The following PTPN4 variants were observed in gnomAD, a reference collection of about 807,000 sequenced individuals.
PTPN4 encodes protein tyrosine phosphatase non-receptor type 4.
A neutral mutation model predicts 135.5 loss-of-function variants in PTPN4; 49 were observed. The ratio of observed to expected loss-of-function variants is 0.36; its 90% CI spans 0.29 to 0.46. PTPN4 has a LOEUF of 0.46. Among genes scored for constraint, PTPN4 ranks in the 20% least tolerant of loss-of-function variants. The pLI is 1.00. For missense variants in PTPN4, 860 were observed against 1,101.0 expected, an observed-to-expected ratio of 0.78 and a Z score of 3.10; for synonymous variants, 333 against 369.9, an observed-to-expected ratio of 0.90 and a Z score of 1.14.
At chr2:119,778,701 T>C (rs901030310) in intron 1 of PTPN4, among the ~76,000 whole-genome samples, 4 of 152,172 alleles carry the variant, frequency 2.6e-5, no homozygotes, top group African/African-American at 4.8e-5. Flanking sequence ...ATGCAAGAAA[T>C]GGCACAAATT....
intron 3 of PTPN4, among the ~76,000 whole-genome samples, chr2:119,866,469 A>AT (rs1677837075): frequency 6.6e-6 from 1 of 152,074 alleles, no homozygotes; most frequent in African/African-American, 2.4e-5. Flanking sequence ...TAAAATACAG[A>AT]TTTCTGGGAC....
chr2:119,895,827 G>T (rs1558757595), intron 9 of PTPN4, among the ~76,000 whole-genome samples: 1 of 151,166 alleles, frequency 6.6e-6, no homozygotes, highest in Non-Finnish European at 1.5e-5. Flanking sequence ...TGAGGAAGGA[G>T]AACGGCGTGA....
At chr2:119,892,199 G>GAA (rs1678250465) in intron 9 of PTPN4, among the ~76,000 whole-genome samples, 5 of 152,182 alleles carry the variant, frequency 3.3e-5, no homozygotes, top group Admixed American at 3.3e-4. Context: ...TATATTGATA[G>GAA]AAGTCAGAAT....
chr2:119,809,515 G>T (rs1323112112), intron 1 of PTPN4, among the ~76,000 whole-genome samples: 1 of 151,660 alleles, frequency 6.6e-6, no homozygotes, highest in Non-Finnish European at 1.5e-5. Context: ...ACTTCCTGAG[G>T]CAGCATAATC....
At chr2:119,798,486 T>C (rs1224401081) in intron 1 of PTPN4, among the ~76,000 whole-genome samples, 1 of 152,206 alleles carries the variant, frequency 6.6e-6, no homozygotes, top group Non-Finnish European at 1.5e-5. Context: ...ACCTTTCAAA[T>C]GGAAAAGTAA....
At position 119,983,934 on chromosome 2, in the gene PTPN4, A is replaced by C. The variant is rs1388314895; in HGVS notation, c.*6864A>C. 1 of 152,188 alleles carries C rather than the reference A, an allele frequency of 6.6e-6. No homozygotes were observed. The allele number at this position is 152,188 out of a possible 1,614,324, so 9.4% of individuals were successfully genotyped here. A position where few individuals can be genotyped will look rare whatever the true frequency, so the allele number is the denominator to read the frequency against. On this transcript the variant is annotated 3_prime_UTR_variant, in exon 27 of 27. Coordinates refer to ENST00000263708, the MANE Select transcript of PTPN4 (RefSeq NM_002830.4). ...TCCATTTGTTTTCAGTGTAGTACCT[A>C]GGGTGAAGTAGATGCTGCACAAGTA...
At chr2:119,857,549 G>T (rs1027927131) in intron 2 of PTPN4, among the ~76,000 whole-genome samples, 6 of 140,260 alleles carry the variant, frequency 4.3e-5, no homozygotes, top group African/African-American at 1.6e-4. Flanking sequence ...AAATAAAAAA[G>T]AAATGTTTCA....
chr2:119,810,762 C>T (rs923341924), intron 2 of PTPN4, among the ~76,000 whole-genome samples: 1 of 152,120 alleles, frequency 6.6e-6, no homozygotes, highest in Non-Finnish European at 1.5e-5. Context: ...CCCTTATACC[C>T]TTTACCTAAA....
chr2:119,787,540 A>G (rs1691067613), intron 1 of PTPN4, among the ~76,000 whole-genome samples: 1 of 152,246 alleles, frequency 6.6e-6, no homozygotes. Context: ...GATATTTTCT[A>G]CTGCCTTAGC....
chr2:119,773,197 C>T (rs1217532279), intron 1 of PTPN4, among the ~76,000 whole-genome samples: 1 of 151,810 alleles, frequency 6.6e-6, no homozygotes, highest in East Asian at 1.9e-4. Context: ...TTTATAATAT[C>T]GTAGATACTA....
At chr2:119,833,353 T>C (rs1009627454) in intron 2 of PTPN4, among the ~76,000 whole-genome samples, 2 of 152,168 alleles carry the variant, frequency 1.3e-5, no homozygotes, top group Non-Finnish European at 2.9e-5. Context: ...TTTCCTATTC[T>C]AATGGTCTCT....
At chr2:119,819,909 G>A (rs1198293571) in intron 2 of PTPN4, among the ~76,000 whole-genome samples, 1 of 152,012 alleles carries the variant, frequency 6.6e-6, no homozygotes, top group Non-Finnish European at 1.5e-5. Context: ...CTTCCAGGAT[G>A]GAATGTGGTA....
At chr2:119,947,762 C>CCACACACACACACACACA (rs3084728) in intron 18 of PTPN4, among the ~76,000 whole-genome samples, 2 of 147,142 alleles carry the variant, frequency 1.4e-5, no homozygotes, top group South Asian at 2.2e-4. Flanking sequence ...AACACCACTA[C>CCACACACACACACACACA]CACACACACA....
intron 2 of PTPN4, among the ~76,000 whole-genome samples, chr2:119,839,083 G>C (rs1277825511): frequency 6.6e-6 from 1 of 152,084 alleles, no homozygotes. Context: ...CCTATTTCAG[G>C]AGGGTTTTTC....
At chr2:119,800,819 C>A (rs766336132) in intron 1 of PTPN4, among the ~76,000 whole-genome samples, 15 of 151,612 alleles carry the variant, frequency 9.9e-5, no homozygotes, top group Non-Finnish European at 1.5e-4. Flanking sequence ...GTTGAAAAGG[C>A]CATCCTTTCT....
intron 3 of PTPN4, among the ~76,000 whole-genome samples, chr2:119,869,450 C>T (rs554855724): frequency 6.6e-6 from 1 of 152,298 alleles, no homozygotes; most frequent in African/African-American, 2.4e-5. Context: ...TCAAACTCCT[C>T]TTTCTTGGGA....
At chr2:119,856,597 G>A (rs1677684656) in intron 2 of PTPN4, among the ~76,000 whole-genome samples, 1 of 152,168 alleles carries the variant, frequency 6.6e-6, no homozygotes, top group African/African-American at 2.4e-5. Context: ...ATTAAACTGA[G>A]CAAACCACTT....
intron 3 of PTPN4, among the ~76,000 whole-genome samples, chr2:119,867,254 G>A (rs182749439): frequency 3.9e-5 from 6 of 152,220 alleles, no homozygotes; most frequent in African/African-American, 1.4e-4. Flanking sequence ...ATATCCCTGT[G>A]GTTATAGTGT....
At chr2:119,782,490 A>G (rs532758713) in intron 1 of PTPN4, among the ~76,000 whole-genome samples, 5 of 152,290 alleles carry the variant, frequency 3.3e-5, no homozygotes, top group Admixed American at 2.6e-4. Flanking sequence ...CCTATGTGGC[A>G]TGGTTCCTAT....
Sources: allele counts gnomAD v4.1 joint callset (sites outside exome capture counted in the v4.1 genomes callset), GRCh38; gene constraint gnomAD v4.1.1; transcripts MANE v1.5; gene names NCBI Gene and HGNC (gene_info 2026-07-23, HGNC 2026-07-21).